Variants in WHRN observed in about 807,000 individuals in gnomAD.
WHRN encodes the protein CASK-interacting protein CIP98.
WHRN carries 41 observed loss-of-function variants against 68.3 expected under a neutral mutation model. The observed-to-expected ratio is 0.60, with a 90% CI of 0.47 to 0.78. WHRN has a LOEUF of 0.78. WHRN is among the 30% of genes least tolerant of loss of function. The pLI is 0.00. For missense variants in WHRN, 1,243 were observed against 1,244.7 expected (o/e 1.00, Z 0.02); for synonymous variants, 560 against 561.3 (o/e 1.00, Z 0.03).
chr9:114,467,141 G>C (rs889066787), intron 2 of WHRN, among the ~76,000 whole-genome samples: 2 of 151,838 alleles, frequency 1.3e-5, no homozygotes, highest in African/African-American at 4.8e-5. Flanking sequence ...GCCTCCCCAG[G>C]GGTCTCCTAT....
At chr9:114,498,439 C>T (rs1189393933) in intron 1 of WHRN, among the ~76,000 whole-genome samples, 1 of 152,096 alleles carries the variant, frequency 6.6e-6, no homozygotes, top group Non-Finnish European at 1.5e-5. Flanking sequence ...ACGGATGGGT[C>T]TCTATCCCCC....
chr9:114,442,727 C>T (rs1462573313), intron 3 of WHRN, among the ~76,000 whole-genome samples: 3 of 152,166 alleles, frequency 2.0e-5, no homozygotes, highest in African/African-American at 4.8e-5. Flanking sequence ...GACAAGCCTG[C>T]TCTCCTTTGC....
At chr9:114,457,117 C>T (rs1839875819) in intron 3 of WHRN, among the ~76,000 whole-genome samples, 1 of 152,066 alleles carries the variant, frequency 6.6e-6, no homozygotes, top group Non-Finnish European at 1.5e-5. Context: ...ATTTACTGTT[C>T]CTCTATCCAT....
At chr9:114,448,502 C>T (rs1839032621) in intron 3 of WHRN, among the ~76,000 whole-genome samples, 2 of 152,162 alleles carry the variant, frequency 1.3e-5, no homozygotes, top group South Asian at 4.1e-4. Flanking sequence ...GTCCCCTCTC[C>T]CCCTTGAAAC....
At chr9:114,431,067 C>T (rs182833258) in intron 3 of WHRN, among the ~76,000 whole-genome samples, 20 of 152,322 alleles carry the variant, frequency 1.3e-4, no homozygotes, top group African/African-American at 4.6e-4. Flanking sequence ...CCACTTTCAA[C>T]CAAGTCTGGT....
At chr9:114,448,786 T>C (rs1430079170) in intron 3 of WHRN, among the ~76,000 whole-genome samples, 1 of 152,148 alleles carries the variant, frequency 6.6e-6, no homozygotes, top group Non-Finnish European at 1.5e-5. Flanking sequence ...TCCAGATGAT[T>C]CCAGCACCCA....
intron 7 of WHRN, among the ~76,000 whole-genome samples, chr9:114,408,509 C>T (rs986349230): frequency 1.3e-5 from 2 of 152,200 alleles, no homozygotes; most frequent in Admixed American, 6.5e-5. Context: ...TTGCAAAAAA[C>T]GTCTATTTCT....
At chr9:114,448,068 A>T (rs749622377) in intron 3 of WHRN, among the ~76,000 whole-genome samples, 1 of 152,252 alleles carries the variant, frequency 6.6e-6, no homozygotes, top group Admixed American at 6.5e-5. Context: ...TCCCCCAAAA[A>T]TATGTCCAAG....
At chr9:114,459,437 T>C (rs538219340) in intron 3 of WHRN, among the ~76,000 whole-genome samples, 2 of 148,696 alleles carry the variant, frequency 1.3e-5, no homozygotes, top group South Asian at 2.2e-4. Context: ...CACTCCAGCC[T>C]GGGCAATAGA....
chr9:114,478,153 T>G (rs1306783387), intron 2 of WHRN, among the ~76,000 whole-genome samples: 1 of 151,940 alleles, frequency 6.6e-6, no homozygotes, highest in African/African-American at 2.4e-5. Context: ...CCAGGCATGG[T>G]GGTGCACGCC....
intron 7 of WHRN, among the ~76,000 whole-genome samples, chr9:114,417,137 G>A (rs1477248078): frequency 6.6e-6 from 1 of 152,204 alleles, no homozygotes; most frequent in East Asian, 1.9e-4. Context: ...TTAGACAAAT[G>A]GAAAATCAAC....
At chr9:114,460,232 A>T (rs1440894310) in intron 3 of WHRN, among the ~76,000 whole-genome samples, 2 of 152,162 alleles carry the variant, frequency 1.3e-5, no homozygotes, top group African/African-American at 4.8e-5. Flanking sequence ...GGCAGAGCAA[A>T]GCGTATGACC....
chr9:114,496,824 C>T (rs572699951), intron 1 of WHRN, among the ~76,000 whole-genome samples: 1 of 152,356 alleles, frequency 6.6e-6, no homozygotes, highest in South Asian at 2.1e-4. Context: ...CATCTCTAAC[C>T]TCTTGGGTAC....
At chr9:114,503,611 G>A (rs187987990) in intron 1 of WHRN, 2 of 153,152 alleles carry the variant, frequency 1.3e-5, no homozygotes, top group East Asian at 3.9e-4. Flanking sequence ...AAAAGGTTAG[G>A]GACCGCTTAT....
chr9:114,499,062 T>C (rs1843702987), intron 1 of WHRN, among the ~76,000 whole-genome samples: 1 of 152,230 alleles, frequency 6.6e-6, no homozygotes, highest in Non-Finnish European at 1.5e-5. Context: ...ATGTGTCCAC[T>C]ATATGGGAAA....
Position 114,486,901 on chromosome 9 carries a change from T to A in WHRN, c.619-8130A>T, listed in dbSNP as rs1564216939. Among the ~76,000 whole-genome samples, 358 of 78,300 alleles carry A rather than the reference T, an allele frequency of 4.6e-3. 15 individuals carry two copies. Among genetic ancestry groups the A allele is most frequent in the African/African-American group, 0.014 (329 of 22,972 alleles). The allele number at this position is 78,300 out of a possible 152,430, so 51.4% of individuals were successfully genotyped here. ...GATTAAATTAGTGTGTGTGTGTGTG[T>A]GTGTAGAGTGTGTGTGTGTGTGTAG... On this transcript the variant is annotated intron_variant, in intron 1 of 11. Coordinates refer to ENST00000362057, the MANE Select transcript of WHRN (RefSeq NM_015404.4).
intron 3 of WHRN, among the ~76,000 whole-genome samples, 154 bp from the exon 4 acceptor site, chr9:114,426,567 G>A (rs1185841639): frequency 1.3e-5 from 2 of 152,232 alleles, no homozygotes; most frequent in Non-Finnish European, 2.9e-5. Flanking sequence ...GGGTCACACA[G>A]CAAGTCAATA....
At chr9:114,491,372 G>T (rs1236483090) in intron 1 of WHRN, among the ~76,000 whole-genome samples, 3 of 152,186 alleles carry the variant, frequency 2.0e-5, no homozygotes, top group Non-Finnish European at 4.4e-5. Context: ...TGATAGATTT[G>T]ATGACACTGA....
At chr9:114,432,998 A>G (rs1564147978) in intron 3 of WHRN, among the ~76,000 whole-genome samples, 1 of 152,104 alleles carries the variant, frequency 6.6e-6, no homozygotes. Flanking sequence ...GACCACACCC[A>G]TGAAACTCAT....
Sources: gnomAD v4.1 joint callset for allele counts (sites outside exome capture counted in the v4.1 genomes callset) on GRCh38, gnomAD v4.1.1 for gene constraint, MANE v1.5 for transcripts, NCBI Gene and HGNC (gene_info 2026-07-23, HGNC 2026-07-21) for gene names.